Variants in FAM135A observed in about 807,000 individuals in gnomAD.
FAM135A encodes protein FAM135A.
A neutral mutation model predicts 146.8 loss-of-function variants in FAM135A; 79 were observed. The ratio of observed to expected loss-of-function variants is 0.54; its 90% confidence interval spans 0.45 to 0.65. The LOEUF (loss-of-function observed/expected upper bound fraction) is 0.65, where lower values mean the gene tolerates loss of function less well. FAM135A is among the 30% of genes least tolerant of loss of function. The pLI, the probability that FAM135A is intolerant of heterozygous loss-of-function variation, is 0.00. For missense variants in FAM135A, 1,623 were observed against 1,758.2 expected (o/e 0.92, Z 1.38); for synonymous variants, 562 against 603.6 (o/e 0.93, Z 1.01).
At chr6:70,470,308 A>T (rs975267928) in intron 5 of FAM135A, among the ~76,000 whole-genome samples, 4 of 152,158 alleles carry the variant, frequency 2.6e-5, no homozygotes, top group African/African-American at 9.7e-5. Flanking sequence ...AGGATCTCTC[A>T]TTAGGTTATA....
intron 8 of FAM135A, among the ~76,000 whole-genome samples, chr6:70,478,698 C>A (rs899311823): frequency 1.3e-5 from 2 of 152,086 alleles, no homozygotes; most frequent in Non-Finnish European, 2.9e-5. Context: ...ATATATTTCT[C>A]CTGATGACTT....
chr6:70,541,169 A>G (rs917227489), intron 20 of FAM135A, among the ~76,000 whole-genome samples: 1 of 152,196 alleles, frequency 6.6e-6, no homozygotes. Flanking sequence ...CCTTTAATAG[A>G]TAAAGTTATT....
chr6:70,499,338 A>C (rs542252526), intron 11 of FAM135A, among the ~76,000 whole-genome samples: 25 of 152,158 alleles, frequency 1.6e-4, no homozygotes, highest in African/African-American at 6.0e-4. Flanking sequence ...TGCTTGGTAA[A>C]TATTCCTCCA....
Position 70,502,665 on chromosome 6 carries a change from A to C in FAM135A, c.903A>C (p.Glu301Asp). The change falls in exon 12 of 22, where the codon GAA (glutamate) becomes GAC (aspartate). Residue 301 changes from glutamate (E) to aspartate (D), a missense_variant. Coordinates refer to ENST00000418814, the MANE Select transcript of FAM135A (RefSeq NM_001162529.3). ...KKIENPDELAELINMNLAQLC... is the reference protein window; with the variant it reads ...KKIENPDELADLINMNLAQLC... ...TAGAGAATCCTGATGAACTGGCAGA[A>C]CTTATAAATATGAATCTTGCGCAAC... The C allele has an allele frequency of 6.2e-7, 1 of 1,612,200 alleles. No homozygotes were observed. Among genetic ancestry groups the C allele is most frequent in the Non-Finnish European group, 8.5e-7 (1 of 1,179,190 alleles).
intron 16 of FAM135A, among the ~76,000 whole-genome samples, chr6:70,531,354 A>G (rs1795769489): frequency 6.6e-6 from 1 of 152,148 alleles, no homozygotes; most frequent in Non-Finnish European, 1.5e-5. Context: ...TGTCTTCAAG[A>G]TGATACTGGT....
At chr6:70,456,338 G>C (rs1358513620) in intron 5 of FAM135A, among the ~76,000 whole-genome samples, 1 of 152,150 alleles carries the variant, frequency 6.6e-6, no homozygotes, top group African/African-American at 2.4e-5. Context: ...AGATTTAGAA[G>C]TTCTTTACAT....
At chr6:70,419,596 T>A (rs551942527) in intron 2 of FAM135A, among the ~76,000 whole-genome samples, 31 of 152,324 alleles carry the variant, frequency 2.0e-4, no homozygotes, top group Admixed American at 1.9e-3. Flanking sequence ...TTAGCAAACT[T>A]GAATTTAATT....
chr6:70,442,896 A>G (rs1459652014), intron 4 of FAM135A, among the ~76,000 whole-genome samples: 1 of 152,186 alleles, frequency 6.6e-6, no homozygotes. Flanking sequence ...GTATAGTTGT[A>G]CCATAGTTTA....
intron 12 of FAM135A, among the ~76,000 whole-genome samples, chr6:70,513,573 T>G (rs773057199): frequency 1.3e-5 from 2 of 151,920 alleles, no homozygotes; most frequent in Non-Finnish European, 2.9e-5. Context: ...GCTTTTGTAG[T>G]TTTTATGCCT....
At chr6:70,476,659 A>AT (rs1204893163) in intron 7 of FAM135A, among the ~76,000 whole-genome samples, 2 of 152,270 alleles carry the variant, frequency 1.3e-5, no homozygotes, top group East Asian at 3.9e-4. Context: ...TAGTGTGTAT[A>AT]AATCTAATGA....
At chr6:70,521,383 C>T (rs1352291583) in intron 12 of FAM135A, among the ~76,000 whole-genome samples, 2 of 152,118 alleles carry the variant, frequency 1.3e-5, no homozygotes, top group Non-Finnish European at 2.9e-5. Flanking sequence ...TGTTATTTTT[C>T]TCTCACCTTT....
Position 70,556,790 on chromosome 6 carries a change from A to G in FAM135A, c.4269A>G (p.Leu1423=), listed in dbSNP as rs746144725. ...AAAATGTTGTGCTAGTGGGATCCCT[A>G]CAGGATCGCTATGTTCCTTATCACT... ...YFKNVVLVGS[L]QDRYVPYHSA... is the part of the protein sequence containing the mutation. Residue 1423 remains leucine (L), a synonymous_variant, in exon 21 of 22, where the codon CTA becomes CTG. Coordinates refer to ENST00000418814, the MANE Select transcript of FAM135A (RefSeq NM_001162529.3). 3 of 1,613,886 alleles carry G rather than the reference A, an allele frequency of 1.9e-6. No individual in the cohort carries two copies. Among genetic ancestry groups the G allele is most frequent in the South Asian group, 1.1e-5 (1 of 91,064 alleles).
Position 70,533,200 on chromosome 6 carries a change from A to C in FAM135A, c.3816A>C (p.Glu1272Asp), listed in dbSNP as rs1157101031. 1.2e-6 allele frequency: 2 copies of C among 1,613,340 alleles called. No homozygotes were observed. The highest frequency in any genetic ancestry group is 2.7e-5 in the African/African-American group (2 of 74,910). The stretch of plus-strand genomic sequence containing the variant: ...TCCGATTAGTAAAAACTTACATTGA[A>C]CTTGGATTGCCTGGGGGAAGAATTG... ...ADLRLVKTYIELGLPGGRIDF... is the reference protein window; with the variant it reads ...ADLRLVKTYIDLGLPGGRIDF... Residue 1272 changes from glutamate (E) to aspartate (D), a missense_variant, in exon 17 of 22, where the codon GAA becomes GAC. By Grantham distance (45) the Glu-to-Asp change is conservative. Coordinates refer to ENST00000418814, the MANE Select transcript of FAM135A (RefSeq NM_001162529.3).
intron 20 of FAM135A, among the ~76,000 whole-genome samples, chr6:70,553,109 T>C (rs538547108): frequency 2.0e-5 from 3 of 152,262 alleles, no homozygotes; most frequent in East Asian, 3.9e-4. Flanking sequence ...TAAAGCACAA[T>C]TGGGGAAGCC....
chr6:70,491,156 CTATGAAAACT>C, intron 11 of FAM135A, 73 bp downstream of exon 11: 1 of 1,244,612 alleles, frequency 8.0e-7, no homozygotes, highest in South Asian at 1.3e-5. Flanking sequence ...AATATTTTGT[CTATGAAAACT>C]TAAAGTATTT....
rs370483734 is a variant in FAM135A at position 70,525,019 on chromosome 6, T to G, written c.1935T>G (p.Asp645Glu). ...GAAGGTCATCAGACGATTGCCATGA[T>G]CATCAAACAACCCCATCTTTGGGAG... ...ASRRSSDDCH[D>E]HQTTPSLGVR... is the part of the protein sequence containing the mutation. The change falls in exon 15 of 22, where the codon GAT (aspartate) becomes GAG (glutamate). Residue 645 changes from aspartate to glutamate, a missense_variant. This residue lies in a region of FAM135A where 1,061 missense variants were observed against 1,113.8 expected (regional missense o/e 0.95). Coordinates refer to ENST00000418814, the MANE Select transcript of FAM135A (RefSeq NM_001162529.3). 20 of 1,597,978 alleles carry G rather than the reference T, an allele frequency of 1.3e-5. No individual in the cohort carries two copies. The highest frequency in any genetic ancestry group is 3.4e-6 in the Non-Finnish European group (4 of 1,174,692).
chr6:70,519,179 G>A (rs1406099378), intron 12 of FAM135A, among the ~76,000 whole-genome samples: 1 of 152,156 alleles, frequency 6.6e-6, no homozygotes, highest in Non-Finnish European at 1.5e-5. Context: ...GGGTCACGAC[G>A]AGTGGAGAAA....
At position 70,533,843 on chromosome 6, in the gene FAM135A, C is replaced by T. The variant is rs1305791456; in HGVS notation, c.3954C>T (p.Val1318=). 1.0e-5 allele frequency: 15 copies of T among 1,485,066 alleles called. No individual in the cohort carries two copies. The highest frequency in any genetic ancestry group is 1.4e-5 in the Non-Finnish European group (15 of 1,103,506). The allele number at this position is 1,485,066 out of a possible 1,614,324, so 92.0% of individuals were successfully genotyped here. ...IQYIQIYSLT[V]SKISFIGHSL... ...ATATTCAGATATATAGTCTAACAGT[C>T]TCAAAAATAAGGTATCTTCTTTAAT... The change falls in exon 18 of 22, where the codon GTC becomes GTT. Residue 1318 remains valine (V), a synonymous_variant. Coordinates refer to ENST00000418814, the MANE Select transcript of FAM135A (RefSeq NM_001162529.3).
chr6:70,427,654 A>C, intron 3 of FAM135A, among the ~76,000 whole-genome samples: 1 of 148,886 alleles, frequency 6.7e-6, no homozygotes, highest in South Asian at 2.1e-4. Context: ...ACTATTAAAA[A>C]ATTTTACAAA....
Sources: gnomAD v4.1 joint callset for allele counts (sites outside exome capture counted in the v4.1 genomes callset) on GRCh38, gnomAD v4.1.1 for gene constraint, gnomAD v4.1.1 regional missense constraint, MANE v1.5 for transcripts, NCBI Gene and HGNC (gene_info 2026-07-23, HGNC 2026-07-21) for gene names.